SLC14A2: variants seen among roughly 807,000 people sequenced by gnomAD.
SLC14A2 encodes the protein solute carrier family 14 member 2.
SLC14A2 carries 91 observed loss-of-function variants against 104.6 expected under a neutral mutation model. The ratio of observed to expected loss-of-function variants is 0.87; its 90% CI spans 0.73 to 1.04. SLC14A2 has a LOEUF of 1.04. Among genes scored for constraint, SLC14A2 ranks in the 50% least tolerant of loss-of-function variants. The probability of loss-of-function intolerance (pLI) is 0.00; values close to 1 mark genes in which losing one functional copy is unlikely to be tolerated. For missense variants in SLC14A2, 1,189 were observed against 1,156.0 expected (o/e 1.03, Z -0.41); for synonymous variants, 476 against 466.4 (o/e 1.02, Z -0.27).
intron 1 of SLC14A2, among the ~76,000 whole-genome samples, chr18:45,262,051 A>G (rs199874358): frequency 1.3e-5 from 2 of 152,226 alleles, no homozygotes; most frequent in East Asian, 3.9e-4. Flanking sequence ...CTATTTCTCC[A>G]CATCCTCTCC....
intron 5 of SLC14A2, among the ~76,000 whole-genome samples, chr18:45,636,018 C>A (rs918444996): frequency 6.6e-6 from 1 of 152,096 alleles, no homozygotes; most frequent in African/African-American, 2.4e-5. Context: ...CTTCTATTTT[C>A]TTAATGAAGT....
intron 1 of SLC14A2, among the ~76,000 whole-genome samples, chr18:45,241,669 G>A (rs1298582827): frequency 8.4e-6 from 1 of 119,150 alleles, no homozygotes; most frequent in Non-Finnish European, 1.7e-5. Flanking sequence ...TTGAAATGGA[G>A]TTTCACTCTT....
chr18:45,282,456 A>G (rs549003189), intron 1 of SLC14A2, among the ~76,000 whole-genome samples: 9 of 152,234 alleles, frequency 5.9e-5, no homozygotes, highest in Admixed American at 3.9e-4. Flanking sequence ...CACCGCACCA[A>G]CATTGCCCCC....
chr18:45,415,778 G>C (rs1328371579), intron 1 of SLC14A2, among the ~76,000 whole-genome samples: 1 of 152,078 alleles, frequency 6.6e-6, no homozygotes, highest in Admixed American at 6.6e-5. Context: ...ATATCACAGC[G>C]ATCTTAACAT....
At chr18:45,526,631 A>G (rs2043596464) in intron 2 of SLC14A2, among the ~76,000 whole-genome samples, 1 of 152,156 alleles carries the variant, frequency 6.6e-6, no homozygotes, top group African/African-American at 2.4e-5. Flanking sequence ...TCAGTGAGGG[A>G]TCATAGGGTG....
intron 2 of SLC14A2, among the ~76,000 whole-genome samples, chr18:45,500,017 CTA>C (rs751689893): frequency 2.0e-5 from 3 of 152,100 alleles, no homozygotes; most frequent in African/African-American, 7.2e-5. Context: ...CAAAATAACT[CTA>C]GAGTCAAATT....
chr18:45,595,748 G>A (rs981787892), intron 2 of SLC14A2, among the ~76,000 whole-genome samples: 5 of 152,156 alleles, frequency 3.3e-5, no homozygotes. Context: ...TGGCCTGGCA[G>A]GTGCTAGGTA....
At chr18:45,398,132 C>T (rs1227623789) in intron 1 of SLC14A2, among the ~76,000 whole-genome samples, 7 of 152,112 alleles carry the variant, frequency 4.6e-5, no homozygotes, top group Non-Finnish European at 8.8e-5. Flanking sequence ...AAAACTGAGA[C>T]TCAGAGGGAC....
intron 1 of SLC14A2, among the ~76,000 whole-genome samples, chr18:45,218,661 C>CT (rs2084032958): frequency 6.6e-6 from 1 of 152,128 alleles, no homozygotes; most frequent in African/African-American, 2.4e-5. Flanking sequence ...GAAAAACAAA[C>CT]TTTTTAAATT....
intron 1 of SLC14A2, among the ~76,000 whole-genome samples, chr18:45,340,250 C>T (rs79326591): frequency 0.016 from 2,497 of 152,344 alleles, 57 homozygotes; most frequent in African/African-American, 0.057. Context: ...AATTACCTCT[C>T]TTACCATTTT....
At chr18:45,219,241 A>G (rs1436998266) in intron 1 of SLC14A2, among the ~76,000 whole-genome samples, 1 of 152,240 alleles carries the variant, frequency 6.6e-6, no homozygotes, top group African/African-American at 2.4e-5. Flanking sequence ...GCCTGCATAA[A>G]TAACATGGAA....
intron 1 of SLC14A2, among the ~76,000 whole-genome samples, chr18:45,399,452 C>T (rs553734379): frequency 6.6e-6 from 1 of 152,280 alleles, no homozygotes; most frequent in East Asian, 1.9e-4. Flanking sequence ...GTTCTGAACA[C>T]CTTCCTAGAG....
chr18:45,232,020 G>C (rs191405916), intron 1 of SLC14A2, among the ~76,000 whole-genome samples: 2 of 151,088 alleles, frequency 1.3e-5, no homozygotes, highest in East Asian at 1.9e-4. Context: ...TTTCAACTAA[G>C]AGTCCATTGC....
At chr18:45,537,248 A>T (rs2043807668) in intron 2 of SLC14A2, among the ~76,000 whole-genome samples, 1 of 152,172 alleles carries the variant, frequency 6.6e-6, no homozygotes, top group African/African-American at 2.4e-5. Context: ...TGGGCAAATA[A>T]GTAAGAAACA....
intron 2 of SLC14A2, among the ~76,000 whole-genome samples, chr18:45,579,015 T>C (rs976239907): frequency 2.0e-5 from 3 of 152,194 alleles, no homozygotes; most frequent in Non-Finnish European, 2.9e-5. Flanking sequence ...CTCTGCTCCA[T>C]GTGGTCTTTC....
chr18:45,260,500 A>G (rs909473353), intron 1 of SLC14A2, among the ~76,000 whole-genome samples: 5 of 152,234 alleles, frequency 3.3e-5, no homozygotes, highest in African/African-American at 9.6e-5. Flanking sequence ...GTCAAAAGAC[A>G]TATGCACTCA....
At chr18:45,604,586 GCA>G (rs1220986743) in intron 2 of SLC14A2, among the ~76,000 whole-genome samples, 2 of 152,176 alleles carry the variant, frequency 1.3e-5, no homozygotes, top group African/African-American at 4.8e-5. Flanking sequence ...GTGAAACTCT[GCA>G]CAGTCAGAAC....
intron 4 of SLC14A2, among the ~76,000 whole-genome samples, chr18:45,629,306 A>G (rs897015993): frequency 7.2e-5 from 11 of 152,166 alleles, no homozygotes; most frequent in Non-Finnish European, 1.5e-4. Context: ...TCAAAGTCAG[A>G]TGGATGAGAG....
At chr18:45,408,816 A>G (rs570203891) in intron 1 of SLC14A2, among the ~76,000 whole-genome samples, 18 of 152,306 alleles carry the variant, frequency 1.2e-4, no homozygotes, top group African/African-American at 4.1e-4. Context: ...AGGACCCAGA[A>G]TATGGATACA....
Sources: allele counts gnomAD v4.1 joint callset (sites outside exome capture counted in the v4.1 genomes callset), GRCh38; gene constraint gnomAD v4.1.1; transcripts MANE v1.5; gene names NCBI Gene and HGNC (gene_info 2026-07-23, HGNC 2026-07-21).